Variants in ANK1 observed in about 807,000 individuals in gnomAD.
ANK1 encodes ankyrin-1.
ANK1 carries 51 observed loss-of-function variants against 210.4 expected under a neutral mutation model. The ratio of observed to expected loss-of-function variants is 0.24; its 90% CI spans 0.19 to 0.31. The LOEUF is 0.31. ANK1 is among the 10% of genes least tolerant of loss of function. The probability of loss-of-function intolerance (pLI) is 1.00; values close to 1 mark genes in which losing one functional copy is unlikely to be tolerated. For missense variants in ANK1, 2,051 were observed against 2,504.4 expected (o/e 0.82, Z 3.86); for synonymous variants, 967 against 1,025.9 (o/e 0.94, Z 1.10).
At chr8:41,767,262 G>T (rs1264769498) in intron 1 of ANK1, among the ~76,000 whole-genome samples, 1 of 151,940 alleles carries the variant, frequency 6.6e-6, no homozygotes, top group African/African-American at 2.4e-5. Flanking sequence ...CAGGACGGAC[G>T]CAGAGCCCCG....
In ANK1 at chr8:41,662,067, G is replaced by A. The variant is rs904309423; in HGVS notation, c.5479-126C>T. ...AGGTCAGGAGTTTGAGACCAGCCTG[G>A]CCAACATGGTGAAACCCTGTCTCTA... On this transcript the variant is annotated intron_variant, in intron 40 of 42. Transcript: ENST00000289734. The A allele has an allele frequency of 2.1e-5, 26 of 1,248,720 alleles. No individual in the cohort carries two copies. In the Middle Eastern group the frequency reaches 8.0e-4, roughly 38 times the overall value. 77.4% of individuals were successfully genotyped at this position (1,248,720 alleles called of 1,614,324 possible).
intron 1 of ANK1, among the ~76,000 whole-genome samples, chr8:41,758,512 T>TA (rs1209626153): frequency 1.3e-5 from 2 of 150,324 alleles, no homozygotes; most frequent in African/African-American, 4.8e-5. Context: ...TTTTAAACTT[T>TA]TTTTTTTTTT....
intron 1 of ANK1, among the ~76,000 whole-genome samples, chr8:41,847,301 G>A (rs1320325715): frequency 6.6e-6 from 1 of 152,208 alleles, no homozygotes; most frequent in Non-Finnish European, 1.5e-5. Context: ...GTTTACCTGG[G>A]GAGGTGAAAG....
At chr8:41,848,976 C>A (rs1051246876) in intron 1 of ANK1, among the ~76,000 whole-genome samples, 1 of 152,204 alleles carries the variant, frequency 6.6e-6, no homozygotes, top group Non-Finnish European at 1.5e-5. Flanking sequence ...TGGAGCTTGA[C>A]CTGCCTCTGT....
intron 1 of ANK1, among the ~76,000 whole-genome samples, chr8:41,820,425 G>A (rs1020117008): frequency 1.3e-5 from 2 of 151,470 alleles, no homozygotes; most frequent in Admixed American, 6.6e-5. Flanking sequence ...CAAACACCTA[G>A]TCTCAAGCAA....
intron 8 of ANK1, 133 bp from the exon 9 acceptor site, chr8:41,723,356 G>A (rs1829759233): frequency 1.7e-6 from 2 of 1,182,994 alleles, no homozygotes; most frequent in Admixed American, 1.8e-5. Flanking sequence ...CTCGACCTCA[G>A]CACAGTTTTA....
At position 41,694,370 on chromosome 8, in the gene ANK1, C is replaced by A. The variant is rs1820220612; in HGVS notation, c.3327+222G>T. ...GTTCCTGCATGCTGCACAGACTGGG[C>A]CGTGCAGCTTGATGGGTTACCAGGG... On this transcript the variant is annotated intron_variant, in intron 28 of 42. Coordinates refer to ENST00000289734, the MANE Select transcript of ANK1 (RefSeq NM_000037.4). This position sits in a 1 kb window ranked among gnomAD's most constrained non-coding sequence, Gnocchi z 5.7. 1.3e-5 allele frequency among the ~76,000 whole-genome samples: 2 copies of A among 152,238 alleles called. No homozygotes were observed. Among genetic ancestry groups the A allele is most frequent in the African/African-American group, 4.8e-5 (2 of 41,464 alleles).
rs997683002 is a variant in ANK1 at position 41,655,579 on chromosome 8, T to C, written c.*211A>G. The C allele has an allele frequency of 2.2e-6, 2 of 914,026 alleles. No individual in the cohort carries two copies. The highest frequency in any genetic ancestry group is 1.7e-6 in the Non-Finnish European group (1 of 577,902). 56.6% of individuals were successfully genotyped at this position (914,026 alleles called of 1,614,324 possible). A position where few individuals can be genotyped will look rare whatever the true frequency, so the allele number is the denominator to read the frequency against. On this transcript the variant is annotated 3_prime_UTR_variant, in exon 43 of 43. Transcript: ENST00000289734. The stretch of plus-strand genomic sequence containing the variant: ...AGGCAGGATTGAAGCCTGGAGGTCA[T>C]GCGTCTACAGTCAGTCATTCATGCC...
At chr8:41,663,531 G>A (rs1007752879) in intron 40 of ANK1, 128 bp downstream of exon 40, 50 of 910,582 alleles carry the variant, frequency 5.5e-5, no homozygotes, top group Admixed American at 7.6e-5. Context: ...TCCTGAGCAC[G>A]GGGGCAGCCA....
At chr8:41,861,642 T>A (rs919431849) in intron 1 of ANK1, among the ~76,000 whole-genome samples, 1 of 152,222 alleles carries the variant, frequency 6.6e-6, no homozygotes, top group African/African-American at 2.4e-5. Flanking sequence ...GCTCTGGGAC[T>A]GAGCAGACCC....
At chr8:41,701,653 C>T (rs1168073072) in intron 21 of ANK1, 31 bp from the exon 22 acceptor site, 16 of 1,604,672 alleles carry the variant, frequency 1.0e-5, no homozygotes, top group Non-Finnish European at 1.3e-5. Context: ...TAATTCAACC[C>T]AAACTAGAGC....
In ANK1 at chr8:41,822,068, G is replaced by A. The variant is rs868416288; in HGVS notation, c.127-63931C>T. On this transcript the variant is annotated intron_variant, in intron 1 of 42. Coordinates refer to the ANK1 transcript ENST00000265709. The stretch of plus-strand genomic sequence containing the variant: ...CCATCTCAAAAGAAAGAAAGAAAGA[G>A]AGAGAGAGAGAGAGAGAGAGAGAGA... Among the ~76,000 whole-genome samples the A allele has an allele frequency of 7.2e-3, 60 of 8,312 alleles. 1 individual carries two copies. Among genetic ancestry groups the A allele is most frequent in the African/African-American group, 0.031 (49 of 1,572 alleles). 5.5% of individuals were successfully genotyped at this position (8,312 alleles called of 152,430 possible). A position where few individuals can be genotyped will look rare whatever the true frequency, so the allele number is the denominator to read the frequency against.
chr8:41,664,327 G>A, intron 39 of ANK1: 1 of 370,000 alleles, frequency 2.7e-6, no homozygotes, highest in South Asian at 2.0e-5. Flanking sequence ...TTTTAAAATA[G>A]CCAGGCATGG....
chr8:41,661,310 A>G, intron 42 of ANK1, 120 bp downstream of exon 42: 1 of 1,443,120 alleles, frequency 6.9e-7, no homozygotes. Context: ...CTCGAGACAC[A>G]ACAACAAGTT....
At chr8:41,738,094 G>T (rs1002842877) in intron 2 of ANK1, among the ~76,000 whole-genome samples, 2 of 152,212 alleles carry the variant, frequency 1.3e-5, no homozygotes, top group African/African-American at 2.4e-5. Flanking sequence ...GAAAAGAGTT[G>T]TTCTGTCAAG....
chr8:41,858,974 C>T (rs1427979678), intron 1 of ANK1, among the ~76,000 whole-genome samples: 5 of 152,218 alleles, frequency 3.3e-5, no homozygotes, highest in East Asian at 3.9e-4. Flanking sequence ...CAGACCCAGG[C>T]GCAGAGGGGC....
chr8:41,780,717 T>C (rs1474143996), intron 1 of ANK1, among the ~76,000 whole-genome samples: 2 of 152,224 alleles, frequency 1.3e-5, no homozygotes, highest in African/African-American at 4.8e-5. Flanking sequence ...CGTGTGCCTG[T>C]GTGTGCATGC....
chr8:41,686,047 A>C, intron 36 of ANK1, 105 bp downstream of exon 36: 1 of 1,554,482 alleles, frequency 6.4e-7, no homozygotes, highest in Non-Finnish European at 8.9e-7. Flanking sequence ...AGAGACAGAG[A>C]CAGACTGACT....
intron 26 of ANK1, among the ~76,000 whole-genome samples, chr8:41,695,577 T>C (rs986194322): frequency 2.6e-5 from 4 of 152,246 alleles, no homozygotes; most frequent in Admixed American, 1.3e-4. Context: ...TCTCATTTCA[T>C]GCGGGCTCTG....
Sources: allele counts gnomAD v4.1 joint callset (sites outside exome capture counted in the v4.1 genomes callset), GRCh38; gene constraint gnomAD v4.1.1; non-coding constraint Gnocchi (gnomAD v3.1); transcripts MANE v1.5; gene names NCBI Gene and HGNC (gene_info 2026-07-23, HGNC 2026-07-21).